Variants in TLL1 observed in about 807,000 individuals in gnomAD.
TLL1 encodes tolloid like 1.
In TLL1, 49 loss-of-function variants were observed where a neutral mutation model predicts 128.2. The ratio of observed to expected loss-of-function variants is 0.38; its 90% CI spans 0.30 to 0.48. The LOEUF is 0.48. Ranked by LOEUF, TLL1 falls within the 20% of genes least tolerant of loss-of-function variation. TLL1 has a pLI of 0.96. For missense variants in TLL1, 1,123 were observed against 1,242.0 expected, an observed-to-expected ratio of 0.90 and a Z score of 1.44; for synonymous variants, 454 against 418.8, an observed-to-expected ratio of 1.08 and a Z score of -1.03.
intron 18 of TLL1, among the ~76,000 whole-genome samples, chr4:166,090,022 G>T (rs1242224427): frequency 2.0e-5 from 3 of 151,974 alleles, no homozygotes; most frequent in Non-Finnish European, 4.4e-5. Context: ...CTTTTGTTTT[G>T]TATGTCTTCA....
chr4:165,888,060 A>C (rs1731243122), intron 1 of TLL1, among the ~76,000 whole-genome samples: 1 of 152,194 alleles, frequency 6.6e-6, no homozygotes, highest in African/African-American at 2.4e-5. Context: ...TCATATAGGC[A>C]ATCAGATTAT....
At chr4:165,981,323 T>C (rs1047953555) in intron 1 of TLL1, among the ~76,000 whole-genome samples, 1 of 152,132 alleles carries the variant, frequency 6.6e-6, no homozygotes, top group African/African-American at 2.4e-5. Context: ...GTGGATTTTT[T>C]GTTTGTTTTC....
chr4:166,036,280 A>T (rs1420868600), intron 9 of TLL1, among the ~76,000 whole-genome samples: 3 of 152,136 alleles, frequency 2.0e-5, no homozygotes, highest in Non-Finnish European at 4.4e-5. Flanking sequence ...GTCTTTAATA[A>T]GCACAATTGG....
At chr4:165,952,692 A>G (rs1378860871) in intron 1 of TLL1, among the ~76,000 whole-genome samples, 1 of 152,168 alleles carries the variant, frequency 6.6e-6, no homozygotes, top group Non-Finnish European at 1.5e-5. Flanking sequence ...ATTCTAATGT[A>G]TTAGTAGTCA....
chr4:166,049,331 T>C (rs1293960249), intron 12 of TLL1, among the ~76,000 whole-genome samples: 2 of 152,202 alleles, frequency 1.3e-5, no homozygotes, highest in African/African-American at 4.8e-5. Flanking sequence ...ATTGATATAA[T>C]ATTACGGCAT....
At chr4:165,895,734 G>GAAA (rs201222751) in intron 1 of TLL1, among the ~76,000 whole-genome samples, 4,141 of 140,404 alleles carry the variant, frequency 0.029, 175 homozygotes, top group African/African-American at 0.11. Flanking sequence ...CATAAAAGAA[G>GAAA]AAAAAGGTGG....
At chr4:166,072,324 A>G (rs1214496796) in intron 16 of TLL1, among the ~76,000 whole-genome samples, 1 of 151,858 alleles carries the variant, frequency 6.6e-6, no homozygotes, top group Non-Finnish European at 1.5e-5. Context: ...AATAATGACT[A>G]TATAAATAAT....
chr4:166,021,967 A>G (rs1738261961), intron 8 of TLL1, among the ~76,000 whole-genome samples: 1 of 152,232 alleles, frequency 6.6e-6, no homozygotes, highest in African/African-American at 2.4e-5. Flanking sequence ...CTATGCAGTT[A>G]TAACGGAAAT....
At chr4:165,883,563 T>C (rs1047515084) in intron 1 of TLL1, among the ~76,000 whole-genome samples, 1 of 152,224 alleles carries the variant, frequency 6.6e-6, no homozygotes, top group East Asian at 1.9e-4. Context: ...TTATAAGAAT[T>C]AATTGTAAAG....
At chr4:165,890,850 G>A (rs1204987636) in intron 1 of TLL1, among the ~76,000 whole-genome samples, 1 of 152,286 alleles carries the variant, frequency 6.6e-6, no homozygotes, top group East Asian at 1.9e-4. Context: ...ACTCTGTGTG[G>A]GTGTTCTGAC....
intron 19 of TLL1, among the ~76,000 whole-genome samples, chr4:166,096,886 A>C (rs1742046845): frequency 6.6e-6 from 1 of 152,144 alleles, no homozygotes; most frequent in Non-Finnish European, 1.5e-5. Context: ...TAGAAGATTA[A>C]TAGTGCTTTA....
chr4:165,902,636 AC>A (rs1475823482), intron 1 of TLL1, among the ~76,000 whole-genome samples: 1 of 152,024 alleles, frequency 6.6e-6, no homozygotes, highest in Non-Finnish European at 1.5e-5. Context: ...TGAGCTGTGT[AC>A]CTCAGCTGGA....
chr4:165,907,051 G>A (rs1732292241), intron 1 of TLL1, among the ~76,000 whole-genome samples: 1 of 152,054 alleles, frequency 6.6e-6, no homozygotes, highest in African/African-American at 2.4e-5. Context: ...CTGACAGCTT[G>A]CTTATTTTTC....
At chr4:165,952,280 A>G (rs1401516980) in intron 1 of TLL1, among the ~76,000 whole-genome samples, 1 of 152,172 alleles carries the variant, frequency 6.6e-6, no homozygotes, top group African/African-American at 2.4e-5. Context: ...TTGTTGATCT[A>G]TTAAAACTAC....
At chr4:166,017,595 G>A (rs942854946) in intron 8 of TLL1, among the ~76,000 whole-genome samples, 4 of 151,992 alleles carry the variant, frequency 2.6e-5, no homozygotes, top group East Asian at 1.9e-4. Flanking sequence ...CCTTGCAGGT[G>A]TCTATTGTTT....
chr4:165,960,096 T>G (rs749786621), intron 1 of TLL1, among the ~76,000 whole-genome samples: 5 of 151,998 alleles, frequency 3.3e-5, no homozygotes, highest in Non-Finnish European at 5.9e-5. Flanking sequence ...ACTAGTTAGA[T>G]TAACAAATAG....
In TLL1 at chr4:165,942,530, C is replaced by T. The variant is rs114137370; in HGVS notation, c.170-46851C>T. On this transcript the variant is annotated intron_variant, in intron 1 of 20. Transcript: ENST00000061240. Reference sequence around the variant, plus strand: ...TTGTATCACCAGAACGTAATCTAACCGAATACCTTCCAGTATAAAGTAGTA... The same window carrying T: ...TTGTATCACCAGAACGTAATCTAACTGAATACCTTCCAGTATAAAGTAGTA... 6.2e-3 allele frequency among the ~76,000 whole-genome samples: 939 copies of T among 151,530 alleles called. 10 individuals carry two copies. Among genetic ancestry groups the T allele is most frequent in the African/African-American group, 0.018 (724 of 41,368 alleles).
intron 1 of TLL1, among the ~76,000 whole-genome samples, chr4:165,877,898 T>C (rs979228096): frequency 3.3e-5 from 5 of 152,106 alleles, no homozygotes; most frequent in Admixed American, 6.5e-5. Context: ...TAGAGGGGTA[T>C]AGAATTGGTG....
At chr4:165,995,297 G>C in intron 5 of TLL1, 119 bp downstream of exon 5, 1 of 816,586 alleles carries the variant, frequency 1.2e-6, no homozygotes, top group Non-Finnish European at 2.1e-6. Flanking sequence ...CCATGAGAAA[G>C]TCTGGATTTT....
Sources: allele counts gnomAD v4.1 joint callset (sites outside exome capture counted in the v4.1 genomes callset), GRCh38; gene constraint gnomAD v4.1.1; transcripts MANE v1.5; gene names NCBI Gene and HGNC (gene_info 2026-07-23, HGNC 2026-07-21).